DOP1A: variants seen among roughly 807,000 people sequenced by gnomAD.
The protein encoded by DOP1A is protein DOP1A.
Under a neutral mutation model 267.6 loss-of-function variants are expected in DOP1A, and 90 were observed. That is an observed-to-expected ratio of 0.34 (90% CI 0.28 to 0.40). The LOEUF is 0.40. DOP1A is among the 10% of genes least tolerant of loss of function. DOP1A has a pLI of 1.00. For missense variants in DOP1A, 2,437 were observed against 2,900.4 expected, an observed-to-expected ratio of 0.84 and a Z score of 3.67; for synonymous variants, 932 against 999.1, an observed-to-expected ratio of 0.93 and a Z score of 1.27.
In DOP1A at chr6:83,167,920, T is replaced by G; in HGVS notation, c.7151T>G (p.Leu2384Arg). The G allele has an allele frequency of 2.5e-6, 4 of 1,613,972 alleles. No individual in the cohort carries two copies. The highest frequency in any genetic ancestry group is 3.4e-6 in the Non-Finnish European group (4 of 1,179,940). Reference sequence around the variant, plus strand: ...TTGGGTTGGGAGCCAGGGCACTTGCTGCTCACCATCTGCACCGTGCGCAGT... The same window carrying G: ...TTGGGTTGGGAGCCAGGGCACTTGCGGCTCACCATCTGCACCGTGCGCAGT... Reference protein sequence around the residue: ...RTLGWEPGHLLLTICTVRSME... With the variant: ...RTLGWEPGHLRLTICTVRSME... Residue 2384 changes from leucine to arginine, a missense_variant, in exon 39 of 39, where the codon CTG becomes CGG. Around this residue, in one of 9 missense-constraint regions of DOP1A, gnomAD observed 197 missense variants for 246.5 expected, o/e 0.80. Coordinates refer to ENST00000349129, the MANE Select transcript of DOP1A (RefSeq NM_015018.4).
chr6:83,149,169 A>C (rs2128315966), intron 27 of DOP1A, among the ~76,000 whole-genome samples: 2 of 152,310 alleles, frequency 1.3e-5, no homozygotes, highest in East Asian at 3.9e-4. Context: ...GGGGTGATGT[A>C]GCATGGCTGA....
chr6:83,125,054 A>G (rs1776939542), intron 13 of DOP1A, 112 bp from the exon 14 acceptor site: 3 of 1,002,954 alleles, frequency 3.0e-6, no homozygotes, highest in African/African-American at 3.3e-5. Context: ...TGTTTAGTGT[A>G]TAGTGGTCTA....
At position 83,162,903 on chromosome 6, in the gene DOP1A, T is replaced by C; in HGVS notation, c.7076T>C (p.Leu2359Pro). The change falls in exon 38 of 39, where the codon CTT (leucine) becomes CCT (proline). Residue 2359 changes from leucine (L) to proline (P), a missense_variant. By Grantham distance (98) the Leu-to-Pro change is moderately conservative. This residue lies in a region of DOP1A where 197 missense variants were observed against 246.5 expected (regional missense o/e 0.80). Coordinates refer to ENST00000349129, the MANE Select transcript of DOP1A (RefSeq NM_015018.4). Reference sequence around the variant, plus strand: ...TACGTGGTACGACTAGCAAAACTTCTTCGGAAAAGAGCAAAGGTATCGCAT... The same window carrying C: ...TACGTGGTACGACTAGCAAAACTTCCTCGGAAAAGAGCAAAGGTATCGCAT... ...KPYVVRLAKL[L>P]RKRAKKNPEE... 1 of 1,612,724 alleles carries C rather than the reference T, an allele frequency of 6.2e-7. No individual in the cohort carries two copies.
At chr6:83,161,556 G>T (rs781135922) in intron 37 of DOP1A, among the ~76,000 whole-genome samples, 2 of 152,128 alleles carry the variant, frequency 1.3e-5, no homozygotes, top group Non-Finnish European at 2.9e-5. Context: ...GTAGAAAAAT[G>T]AGCCAATGAG....
chr6:83,142,196 T>C, intron 24 of DOP1A, 150 bp downstream of exon 24: 1 of 1,027,012 alleles, frequency 9.7e-7, no homozygotes, highest in Non-Finnish European at 1.4e-6. Flanking sequence ...TTGCCTTAAT[T>C]TCTTTAAGTA....
intron 19 of DOP1A, 196 bp downstream of exon 19, chr6:83,134,483 G>A (rs1778565930): frequency 4.2e-6 from 2 of 475,054 alleles, no homozygotes; most frequent in Non-Finnish European, 7.3e-6. Flanking sequence ...TTTACTTTCT[G>A]GTTTTGGAGT....
chr6:83,147,330 T>G, intron 26 of DOP1A, 39 bp downstream of exon 26: 1 of 1,126,290 alleles, frequency 8.9e-7, no homozygotes, highest in Non-Finnish European at 1.2e-6. Flanking sequence ...ACTATGTTGC[T>G]AGAAACAGAG....
chr6:83,111,508 A>G (rs1399713134), intron 6 of DOP1A, among the ~76,000 whole-genome samples: 1 of 151,982 alleles, frequency 6.6e-6, no homozygotes, highest in East Asian at 1.9e-4. Flanking sequence ...TGCAGGTTTC[A>G]GTTTCTCCAC....
chr6:83,113,168 A>ATT (rs1378252024), intron 6 of DOP1A, among the ~76,000 whole-genome samples, 155 bp from the exon 7 acceptor site: 1 of 152,152 alleles, frequency 6.6e-6, no homozygotes, highest in African/African-American at 2.4e-5. Context: ...TTAAACCATC[A>ATT]TTATATATAT....
At chr6:83,104,636 T>C (rs1773248888) in intron 4 of DOP1A, among the ~76,000 whole-genome samples, 1 of 152,174 alleles carries the variant, frequency 6.6e-6, no homozygotes, top group Admixed American at 6.5e-5. Context: ...TAATTACAGA[T>C]TAATTTCTTT....
chr6:83,131,201 G>A (rs1379158242), intron 17 of DOP1A, among the ~76,000 whole-genome samples: 2 of 151,356 alleles, frequency 1.3e-5, no homozygotes, highest in African/African-American at 4.9e-5. Flanking sequence ...TCTCTATATC[G>A]AACATCAAGT....
intron 1 of DOP1A, among the ~76,000 whole-genome samples, chr6:83,096,133 A>C (rs770370810): frequency 6.6e-6 from 1 of 152,010 alleles, no homozygotes; most frequent in Non-Finnish European, 1.5e-5. Context: ...ATAGAGGCAG[A>C]GTCTTGCTCT....
chr6:83,157,519 T>G (rs1268942940), intron 35 of DOP1A, among the ~76,000 whole-genome samples: 2 of 152,164 alleles, frequency 1.3e-5, no homozygotes, highest in Non-Finnish European at 2.9e-5. Context: ...ACATGCAACA[T>G]AGATGGATGG....
Position 83,152,365 on chromosome 6 carries a change from G to C in DOP1A, c.6127G>C (p.Glu2043Gln). 6.8e-7 allele frequency: 1 copy of C among 1,476,972 alleles called. No individual in the cohort carries two copies. The highest frequency in any genetic ancestry group is 9.0e-7 in the Non-Finnish European group (1 of 1,105,632). The allele number at this position is 1,476,972 out of a possible 1,614,324, so 91.5% of individuals were successfully genotyped here. ...TGTCCATGCATTGACATTACTCTCT[G>C]AGGTAAATATTAAGCTTTTTCACAT... ...YSVHALTLLS[E>Q]VLAHLLDMVF... Residue 2043 changes from glutamate (E) to glutamine (Q), a missense_variant and splice_region_variant, in exon 30 of 39, where the codon GAG becomes CAG. This residue lies in a region of DOP1A where 216 missense variants were observed against 283.3 expected (regional missense o/e 0.76). Coordinates refer to ENST00000349129, the MANE Select transcript of DOP1A (RefSeq NM_015018.4).
chr6:83,093,001 A>G (rs1264242524), intron 1 of DOP1A, among the ~76,000 whole-genome samples: 1 of 152,214 alleles, frequency 6.6e-6, no homozygotes, highest in African/African-American at 2.4e-5. Context: ...CAGACAGTGA[A>G]AATGTGGATG....
intron 7 of DOP1A, among the ~76,000 whole-genome samples, chr6:83,114,194 A>G (rs1775026778): frequency 6.6e-6 from 1 of 151,842 alleles, no homozygotes; most frequent in African/African-American, 2.4e-5. Context: ...TTTTATTAAC[A>G]TTTTTCTTTT....
intron 18 of DOP1A, among the ~76,000 whole-genome samples, chr6:83,133,169 T>C (rs1299830209): frequency 6.6e-6 from 1 of 152,122 alleles, no homozygotes; most frequent in African/African-American, 2.4e-5. Flanking sequence ...TAACATATTT[T>C]TTCAAAATTA....
intron 34 of DOP1A, 109 bp from the exon 35 acceptor site, chr6:83,157,073 A>C: frequency 2.8e-6 from 3 of 1,074,032 alleles, no homozygotes; most frequent in Non-Finnish European, 3.9e-6. Context: ...GAATTTTTTT[A>C]AAGTTTATCC....
intron 1 of DOP1A, among the ~76,000 whole-genome samples, chr6:83,092,648 G>GTTT (rs548191885): frequency 2.2e-5 from 3 of 134,218 alleles, no homozygotes; most frequent in African/African-American, 8.4e-5. Flanking sequence ...TCTAAATTCT[G>GTTT]TTTTTTTTTC....
Sources: gnomAD v4.1 joint callset for allele counts (sites outside exome capture counted in the v4.1 genomes callset) on GRCh38, gnomAD v4.1.1 for gene constraint, gnomAD v4.1.1 regional missense constraint, MANE v1.5 for transcripts, NCBI Gene and HGNC (gene_info 2026-07-23, HGNC 2026-07-21) for gene names.